Variants in PLPP4 observed in about 807,000 individuals in gnomAD.
PLPP4 encodes diacylglycerol pyrophosphate like 2.
Under a neutral mutation model 32.2 loss-of-function variants are expected in PLPP4, and 20 were observed. That is an observed-to-expected ratio of 0.62 (90% confidence interval 0.44 to 0.90). The LOEUF is 0.90. Ranked by LOEUF, PLPP4 falls within the 40% of genes least tolerant of loss-of-function variation. The pLI is 0.00. For missense variants in PLPP4, 257 were observed against 353.1 expected, an observed-to-expected ratio of 0.73 and a Z score of 2.18; for synonymous variants, 127 against 133.0, an observed-to-expected ratio of 0.95 and a Z score of 0.31.
chr10:120,530,371 T>G (rs779041251), intron 5 of PLPP4, among the ~76,000 whole-genome samples: 2 of 152,236 alleles, frequency 1.3e-5, no homozygotes, highest in African/African-American at 2.4e-5. Flanking sequence ...AACTTTAGAT[T>G]AGTTTTGCCT....
chr10:120,466,935 A>T (rs1310232129), intron 1 of PLPP4, among the ~76,000 whole-genome samples: 1 of 152,196 alleles, frequency 6.6e-6, no homozygotes, highest in Non-Finnish European at 1.5e-5. Context: ...GCCTGACATC[A>T]CAGTGTAATA....
intron 1 of PLPP4, among the ~76,000 whole-genome samples, chr10:120,466,638 G>T (rs1046473942): frequency 1.3e-5 from 2 of 152,076 alleles, no homozygotes; most frequent in Non-Finnish European, 2.9e-5. Flanking sequence ...GCTATTTTTA[G>T]GTTGAACTGA....
intron 5 of PLPP4, among the ~76,000 whole-genome samples, chr10:120,574,223 C>A: frequency 8.0e-6 from 1 of 125,638 alleles, no homozygotes; most frequent in South Asian, 2.6e-4. Flanking sequence ...CTCTCTCTCT[C>A]AGCTCCCTCC....
At chr10:120,517,003 G>C (rs1205130383) in intron 3 of PLPP4, among the ~76,000 whole-genome samples, 1 of 152,186 alleles carries the variant, frequency 6.6e-6, no homozygotes, top group African/African-American at 2.4e-5. Context: ...GCCAACTGTA[G>C]GTGGTTATAT....
intron 5 of PLPP4, among the ~76,000 whole-genome samples, chr10:120,533,707 AATT>A (rs1181528928): frequency 6.6e-6 from 1 of 152,100 alleles, no homozygotes; most frequent in African/African-American, 2.4e-5. Context: ...ATGTTGTTAC[AATT>A]ATTATTTAAC....
chr10:120,543,042 A>C (rs1169178571), intron 5 of PLPP4, among the ~76,000 whole-genome samples: 1 of 152,188 alleles, frequency 6.6e-6, no homozygotes, highest in African/African-American at 2.4e-5. Flanking sequence ...ACCCATCCCC[A>C]GGACGGTGGG....
intron 5 of PLPP4, among the ~76,000 whole-genome samples, chr10:120,542,330 C>T (rs921130937): frequency 6.6e-6 from 1 of 152,210 alleles, no homozygotes; most frequent in African/African-American, 2.4e-5. Flanking sequence ...TCATTACCTG[C>T]TGTTTTCTTC....
chr10:120,590,866 T>G lies in PLPP4; in HGVS notation c.*1364T>G, dbSNP rs1215271141. Among the ~76,000 whole-genome samples the G allele has an allele frequency of 6.6e-6, 1 of 151,474 alleles. No individual in the cohort carries two copies. Among genetic ancestry groups the G allele is most frequent in the Non-Finnish European group, 1.5e-5 (1 of 67,958 alleles). On this transcript the variant is annotated 3_prime_UTR_variant, in exon 7 of 7. Coordinates refer to ENST00000398250, the MANE Select transcript of PLPP4 (RefSeq NM_001030059.3). Reference sequence around the variant, plus strand: ...CTCACTGCAACCTTTGCCTCTGGGTTCAAGCTATTCTCGTGCCTCAGCCTC... The same window carrying G: ...CTCACTGCAACCTTTGCCTCTGGGTGCAAGCTATTCTCGTGCCTCAGCCTC...
intron 1 of PLPP4, among the ~76,000 whole-genome samples, chr10:120,486,262 GT>G (rs879767030): frequency 1.2e-3 from 53 of 43,220 alleles, no homozygotes; most frequent in African/African-American, 3.6e-3. Context: ...TTTCATTTAA[GT>G]TTTTTTTTTT....
chr10:120,544,274 G>T (rs775321854), intron 5 of PLPP4, among the ~76,000 whole-genome samples: 3 of 152,116 alleles, frequency 2.0e-5, no homozygotes, highest in Admixed American at 6.5e-5. Context: ...TGTTATTTTC[G>T]GTTTTAATTT....
chr10:120,549,906 T>G (rs1205887521), intron 5 of PLPP4, among the ~76,000 whole-genome samples: 1 of 151,994 alleles, frequency 6.6e-6, no homozygotes, highest in African/African-American at 2.4e-5. Flanking sequence ...GATTGAATGC[T>G]TTTCCTGTTT....
chr10:120,508,282 T>C (rs1170970419), intron 2 of PLPP4, among the ~76,000 whole-genome samples: 2 of 152,202 alleles, frequency 1.3e-5, no homozygotes, highest in Non-Finnish European at 2.9e-5. Flanking sequence ...TTATCTGTGA[T>C]GGGATGTAAT....
chr10:120,589,078 A>C (rs729370), intron 6 of PLPP4, among the ~76,000 whole-genome samples: 77,895 of 151,752 alleles, frequency 0.51, 20,699 homozygotes, highest in Middle Eastern at 0.59. Flanking sequence ...CAAAACAAAA[A>C]ACCGGGAAGA....
intron 1 of PLPP4, among the ~76,000 whole-genome samples, chr10:120,483,165 C>T (rs1844288892): frequency 6.6e-6 from 1 of 152,194 alleles, no homozygotes; most frequent in Non-Finnish European, 1.5e-5. Context: ...GCCTCTTGGA[C>T]TTACACCAGT....
chr10:120,513,817 G>A, intron 2 of PLPP4, 94 bp from the exon 3 acceptor site: 3 of 914,030 alleles, frequency 3.3e-6, no homozygotes, highest in Non-Finnish European at 5.4e-6. Context: ...TTCAACCAGG[G>A]AGTCTAAATG....
At chr10:120,496,003 C>T (rs1844945851) in intron 1 of PLPP4, among the ~76,000 whole-genome samples, 1 of 152,020 alleles carries the variant, frequency 6.6e-6, no homozygotes, top group Non-Finnish European at 1.5e-5. Context: ...TTCAAGCTAC[C>T]CTGCCAGCAA....
intron 5 of PLPP4, among the ~76,000 whole-genome samples, chr10:120,533,550 TG>T (rs1226749234): frequency 6.6e-6 from 1 of 152,150 alleles, no homozygotes; most frequent in African/African-American, 2.4e-5. Flanking sequence ...TTTTCCCCTT[TG>T]TTATCTGTGC....
chr10:120,576,232 C>T (rs1252264560), intron 6 of PLPP4, among the ~76,000 whole-genome samples: 1 of 152,218 alleles, frequency 6.6e-6, no homozygotes, highest in African/African-American at 2.4e-5. Flanking sequence ...AGAAAGTGTG[C>T]CTGAATCCAG....
At chr10:120,477,350 T>C (rs372771807) in intron 1 of PLPP4, among the ~76,000 whole-genome samples, 4 of 150,766 alleles carry the variant, frequency 2.7e-5, no homozygotes, top group African/African-American at 9.8e-5. Flanking sequence ...GTCGAATAAT[T>C]GTAATTATTT....
Sources: gnomAD v4.1 joint callset for allele counts (sites outside exome capture counted in the v4.1 genomes callset) on GRCh38, gnomAD v4.1.1 for gene constraint, MANE v1.5 for transcripts, NCBI Gene and HGNC (gene_info 2026-07-23, HGNC 2026-07-21) for gene names.